SEMA3E: variants seen among roughly 807,000 people sequenced by gnomAD.
SEMA3E encodes semaphorin-3E.
A neutral mutation model predicts 93.6 loss-of-function variants in SEMA3E; 49 were observed. The ratio of observed to expected loss-of-function variants is 0.52; its 90% CI spans 0.42 to 0.66. The LOEUF is 0.66. Among genes scored for constraint, SEMA3E ranks in the 30% least tolerant of loss-of-function variants. The pLI is 0.00. For missense variants in SEMA3E, 906 were observed against 964.8 expected, an observed-to-expected ratio of 0.94 and a Z score of 0.81; for synonymous variants, 363 against 330.7, an observed-to-expected ratio of 1.10 and a Z score of -1.06.
chr7:83,485,652 G>A (rs745643250), intron 2 of SEMA3E, among the ~76,000 whole-genome samples: 3 of 151,804 alleles, frequency 2.0e-5, no homozygotes, highest in Non-Finnish European at 4.4e-5. Context: ...TAGGAAAACA[G>A]TATATACAGA....
rs539058198 is a variant in SEMA3E, at chr7:83,530,974, A to G, written c.116-40700T>C. On this transcript the variant is annotated intron_variant, in intron 1 of 16. Coordinates refer to ENST00000643230, the MANE Select transcript of SEMA3E (RefSeq NM_012431.3). Reference sequence around the variant, plus strand: ...TAATTAATATTTTATAATTTATTTTATACATCACACACAAAAACACATACG... The same window carrying G: ...TAATTAATATTTTATAATTTATTTTGTACATCACACACAAAAACACATACG... Among the ~76,000 whole-genome samples the G allele has an allele frequency of 3.3e-5, 5 of 152,290 alleles. No homozygotes were observed. The East Asian group carries it at 7.7e-4, about 23-fold the overall frequency.
chr7:83,602,535 T>C (rs140430853), intron 1 of SEMA3E, among the ~76,000 whole-genome samples: 6,435 of 152,016 alleles, frequency 0.042, 361 homozygotes, highest in African/African-American at 0.13. Flanking sequence ...TGGAGTGCAG[T>C]GGCTTGATCT....
In SEMA3E at chr7:83,432,869, A is replaced by G. The variant is rs559412145; in HGVS notation, c.457-14386T>C. On this transcript the variant is annotated intron_variant, in intron 4 of 16. Transcript: ENST00000643230. The stretch of plus-strand genomic sequence containing the variant: ...ATAAACATTGATCAATACAGAAAAA[A>G]TAATTTATAGTACAGTCATATATTG... Among the ~76,000 whole-genome samples the G allele has an allele frequency of 2.0e-5, 3 of 152,294 alleles. 1 individual carries two copies. In the South Asian group the frequency reaches 6.2e-4, roughly 32 times the overall value.
At chr7:83,411,678 G>A (rs1328595383) in intron 5 of SEMA3E, among the ~76,000 whole-genome samples, 1 of 151,970 alleles carries the variant, frequency 6.6e-6, no homozygotes, top group African/African-American at 2.4e-5. Context: ...GAAATACATA[G>A]TCTCTAATTA....
In SEMA3E at chr7:83,454,841, T is replaced by A. The variant is rs960240444; in HGVS notation, c.456+11641A>T. Among the ~76,000 whole-genome samples, 5 of 152,164 alleles carry A rather than the reference T, an allele frequency of 3.3e-5. No homozygotes were observed. In the East Asian group the frequency reaches 9.6e-4, roughly 29 times the overall value. On this transcript the variant is annotated intron_variant, in intron 4 of 16. Coordinates refer to ENST00000643230, the MANE Select transcript of SEMA3E (RefSeq NM_012431.3). ...CAAGAACATTATGTCTAAATAGTAATCTCCTGCTGTCACATTACAAAATAT... is the reference window on the plus strand; with the variant it reads ...CAAGAACATTATGTCTAAATAGTAAACTCCTGCTGTCACATTACAAAATAT...
intron 1 of SEMA3E, among the ~76,000 whole-genome samples, chr7:83,527,664 T>G (rs12707592): frequency 2.0e-5 from 3 of 151,992 alleles, no homozygotes; most frequent in African/African-American, 7.2e-5. Context: ...ATCCTTGAGA[T>G]TGGCAATTTT....
In SEMA3E at chr7:83,480,316, A is replaced by G. The variant is rs182772718; in HGVS notation, c.276+9798T>C. On this transcript the variant is annotated intron_variant, in intron 2 of 16. Transcript: ENST00000643230. ...AAATTAGCTGGGTGTGGTGGCACAC[A>G]CTTGTAGGGGCCAAGGCAGGAGAAT... Among the ~76,000 whole-genome samples, 577 of 152,108 alleles carry G rather than the reference A, an allele frequency of 3.8e-3. 5 individuals are homozygous for G. Among genetic ancestry groups the G allele is most frequent in the African/African-American group, 0.013 (544 of 41,504 alleles).
intron 1 of SEMA3E, among the ~76,000 whole-genome samples, chr7:83,497,189 A>G (rs1790505873): frequency 6.6e-6 from 1 of 152,152 alleles, no homozygotes; most frequent in African/African-American, 2.4e-5. Flanking sequence ...TTTAAAACTC[A>G]CTGACATCAC....
intron 1 of SEMA3E, among the ~76,000 whole-genome samples, chr7:83,619,768 G>A (rs568408329): frequency 6.6e-6 from 1 of 151,656 alleles, no homozygotes; most frequent in Admixed American, 6.6e-5. Context: ...CAAAATGAAA[G>A]TACATAAATT....
intron 1 of SEMA3E, chr7:83,616,535 T>C (rs1793370399): frequency 3.9e-6 from 1 of 255,296 alleles, no homozygotes; most frequent in Admixed American, 5.1e-5. Context: ...GTCTACTTAT[T>C]CAATGATATT....
chr7:83,587,376 A>G (rs930412491), intron 1 of SEMA3E, among the ~76,000 whole-genome samples: 69 of 152,152 alleles, frequency 4.5e-4, no homozygotes, highest in African/African-American at 1.6e-3. Flanking sequence ...TAGGTTTGGC[A>G]TACCAGTTCA....
At chr7:83,390,826 T>C (rs1231421566) in intron 14 of SEMA3E, among the ~76,000 whole-genome samples, 2 of 152,202 alleles carry the variant, frequency 1.3e-5, no homozygotes, top group Non-Finnish European at 2.9e-5. Context: ...ACTTGACTTT[T>C]TCTAAGTAAC....
chr7:83,600,895 C>A (rs1320433183), intron 1 of SEMA3E, among the ~76,000 whole-genome samples: 2 of 152,080 alleles, frequency 1.3e-5, no homozygotes, highest in South Asian at 2.1e-4. Flanking sequence ...GATGTCTACA[C>A]CCCAATCTCA....
At chr7:83,493,485 A>C (rs1194383812) in intron 1 of SEMA3E, among the ~76,000 whole-genome samples, 1 of 151,974 alleles carries the variant, frequency 6.6e-6, no homozygotes, top group African/African-American at 2.4e-5. Flanking sequence ...ATAGGTAATA[A>C]ATTGAGAAAT....
intron 4 of SEMA3E, among the ~76,000 whole-genome samples, chr7:83,442,664 T>C: frequency 6.6e-6 from 1 of 152,080 alleles, no homozygotes; most frequent in East Asian, 1.9e-4. Flanking sequence ...TGGGTTTTGT[T>C]TTGTTTTGTT....
intron 1 of SEMA3E, among the ~76,000 whole-genome samples, chr7:83,515,526 A>C (rs1221382869): frequency 6.6e-6 from 1 of 152,152 alleles, no homozygotes; most frequent in African/African-American, 2.4e-5. Context: ...TGTACACCAT[A>C]TTCCCATTAC....
intron 4 of SEMA3E, among the ~76,000 whole-genome samples, chr7:83,447,284 C>T (rs1020036328): frequency 6.6e-5 from 10 of 152,134 alleles, no homozygotes; most frequent in Admixed American, 1.3e-4. Context: ...CGCCTGTAAT[C>T]CCAGCACCTT....
At chr7:83,445,489 G>A (rs920783101) in intron 4 of SEMA3E, among the ~76,000 whole-genome samples, 2 of 152,216 alleles carry the variant, frequency 1.3e-5, no homozygotes, top group Non-Finnish European at 2.9e-5. Flanking sequence ...AGGCTGAGGC[G>A]GGTGTTTGGC....
intron 4 of SEMA3E, among the ~76,000 whole-genome samples, chr7:83,463,707 C>CAA (rs1238739216): frequency 3.9e-5 from 6 of 152,126 alleles, no homozygotes; most frequent in Non-Finnish European, 8.8e-5. Context: ...TACTATAGTA[C>CAA]AAGCCACTAG....
Sources: gnomAD v4.1 joint callset for allele counts (sites outside exome capture counted in the v4.1 genomes callset) on GRCh38, gnomAD v4.1.1 for gene constraint, MANE v1.5 for transcripts, NCBI Gene and HGNC (gene_info 2026-07-23, HGNC 2026-07-21) for gene names.